AGBL1: variants seen among roughly 807,000 people sequenced by gnomAD.
AGBL1 encodes the protein cytosolic carboxypeptidase 4.
Under a neutral mutation model 118.9 loss-of-function variants are expected in AGBL1, and 130 were observed. The ratio of observed to expected loss-of-function variants is 1.09; its 90% confidence interval spans 0.95 to 1.26. The LOEUF is 1.26. AGBL1 is among the 50% of genes most tolerant of loss of function. The pLI is 0.00. For synonymous variants in AGBL1, 555 were observed against 478.9 expected, an observed-to-expected ratio of 1.16 and a Z score of -2.08; for missense variants, 1,584 against 1,298.1, an observed-to-expected ratio of 1.22 and a Z score of -3.38.
intron 23 of AGBL1, among the ~76,000 whole-genome samples, chr15:86,977,217 A>C (rs1330295492): frequency 6.6e-6 from 1 of 151,814 alleles, no homozygotes; most frequent in Non-Finnish European, 1.5e-5. Context: ...ATAAAAATTC[A>C]TTTTTTCATG....
intron 22 of AGBL1, among the ~76,000 whole-genome samples, chr15:86,862,623 A>G (rs2079574230): frequency 6.6e-6 from 1 of 152,174 alleles, no homozygotes; most frequent in Non-Finnish European, 1.5e-5. Flanking sequence ...CGGAGGGCTG[A>G]CGCAGGAGAC....
intron 17 of AGBL1, among the ~76,000 whole-genome samples, chr15:86,321,898 C>T (rs1185194255): frequency 2.6e-5 from 4 of 151,790 alleles, no homozygotes; most frequent in Non-Finnish European, 4.4e-5. Flanking sequence ...CTTTTTTTAA[C>T]CCATGAATTA....
chr15:86,396,981 T>A (rs1270800658), intron 17 of AGBL1, among the ~76,000 whole-genome samples: 1 of 152,182 alleles, frequency 6.6e-6, no homozygotes, highest in Admixed American at 6.6e-5. Context: ...GTTACATTTT[T>A]GATGACAGCC....
At chr15:86,404,691 C>T (rs1450414277) in intron 18 of AGBL1, among the ~76,000 whole-genome samples, 1 of 152,174 alleles carries the variant, frequency 6.6e-6, no homozygotes, top group East Asian at 1.9e-4. Context: ...GTTTCAGTCT[C>T]ATTTGTTTCT....
At chr15:86,170,162 CAG>C (rs2077394742) in intron 5 of AGBL1, among the ~76,000 whole-genome samples, 1 of 152,062 alleles carries the variant, frequency 6.6e-6, no homozygotes, top group South Asian at 2.1e-4. Context: ...AGTAATGACA[CAG>C]AAGATATAAG....
At chr15:86,373,147 C>T (rs2141947003) in intron 17 of AGBL1, among the ~76,000 whole-genome samples, 1 of 152,280 alleles carries the variant, frequency 6.6e-6, no homozygotes, top group South Asian at 2.1e-4. Context: ...CTCATTGACC[C>T]TCACCTAATT....
chr15:86,416,311 T>C (rs1370435315), intron 18 of AGBL1, among the ~76,000 whole-genome samples: 2 of 152,348 alleles, frequency 1.3e-5, no homozygotes, highest in South Asian at 4.1e-4. Flanking sequence ...ATAGCTGAGA[T>C]CAATTTTTCT....
chr15:86,397,064 C>G (rs2081375918), intron 17 of AGBL1, among the ~76,000 whole-genome samples: 1 of 152,088 alleles, frequency 6.6e-6, no homozygotes, highest in Non-Finnish European at 1.5e-5. Flanking sequence ...AAATGTAGAT[C>G]AGATATGTGT....
At chr15:86,934,343 C>G (rs986407182) in intron 23 of AGBL1, among the ~76,000 whole-genome samples, 3 of 152,096 alleles carry the variant, frequency 2.0e-5, no homozygotes, top group Non-Finnish European at 2.9e-5. Flanking sequence ...AAAGGTCTAA[C>G]AGCTCCCTAT....
At chr15:86,919,818 A>C (rs1245920648), downstream of AGBL1, among the ~76,000 whole-genome samples, 1 of 152,150 alleles carries the variant, frequency 6.6e-6, no homozygotes, top group Admixed American at 6.5e-5. Flanking sequence ...ATGGTGTGGC[A>C]GGATGTGTCC....
chr15:86,670,742 ATTT>A (rs2085733699), intron 21 of AGBL1, among the ~76,000 whole-genome samples: 1 of 151,530 alleles, frequency 6.6e-6, no homozygotes. Context: ...TGTAGAAGGC[ATTT>A]TTATTTAAAT....
chr15:86,283,246 T>A (rs2141729290), intron 16 of AGBL1, among the ~76,000 whole-genome samples: 1 of 152,266 alleles, frequency 6.6e-6, no homozygotes, highest in African/African-American at 2.4e-5. Context: ...TAGTATTGGT[T>A]GAAAATGGGG....
intron 23 of AGBL1, among the ~76,000 whole-genome samples, chr15:86,975,103 G>A (rs2081160330): frequency 6.6e-6 from 1 of 151,892 alleles, no homozygotes; most frequent in African/African-American, 2.4e-5. Flanking sequence ...TTTTTTGAGA[G>A]GAGCAAAGAG....
At chr15:86,459,700 G>C (rs1322366515) in intron 18 of AGBL1, among the ~76,000 whole-genome samples, 1 of 152,054 alleles carries the variant, frequency 6.6e-6, no homozygotes, top group African/African-American at 2.4e-5. Context: ...AACAACAGAG[G>C]CTCAGAAAGG....
intron 1 of AGBL1, among the ~76,000 whole-genome samples, chr15:86,140,965 G>T (rs1331136346): frequency 6.6e-6 from 1 of 152,190 alleles, no homozygotes; most frequent in Non-Finnish European, 1.5e-5. Context: ...ATGTGATGGG[G>T]AATTATTGAG....
chr15:86,139,825 G>C (rs184894851), intron 1 of AGBL1: 1 of 155,672 alleles, frequency 6.4e-6, no homozygotes, highest in Admixed American at 6.5e-5. Context: ...CTGGGTGAGA[G>C]GGCCCAGCAC....
At chr15:86,336,247 C>G (rs929813715) in intron 17 of AGBL1, among the ~76,000 whole-genome samples, 10 of 152,200 alleles carry the variant, frequency 6.6e-5, no homozygotes, top group African/African-American at 1.7e-4. Context: ...CTTGCTACAT[C>G]TGCTCCAGGC....
chr15:86,284,191 T>A lies in AGBL1; in HGVS notation c.2220+4408T>A, dbSNP rs1365017353. On this transcript the variant is annotated intron_variant, in intron 16 of 22. Transcript: ENST00000614907. ...TCCATAATTCATACTAAAATTAAAA[T>A]AAAAAAAAAAAAACAAATGGAAGAC... 7.6e-4 allele frequency among the ~76,000 whole-genome samples: 108 copies of A among 142,826 alleles called. 1 individual carries two copies. The highest frequency in any genetic ancestry group is 3.6e-3 in the Middle Eastern group (1 of 276). 93.7% of individuals were successfully genotyped at this position (142,826 alleles called of 152,430 possible).
chr15:86,418,451 A>G (rs1052935310), intron 18 of AGBL1, among the ~76,000 whole-genome samples: 4 of 152,150 alleles, frequency 2.6e-5, no homozygotes, highest in African/African-American at 9.7e-5. Flanking sequence ...ACAATTCCCA[A>G]AATTGTTCTT....
Sources: gnomAD v4.1 joint callset for allele counts (sites outside exome capture counted in the v4.1 genomes callset) on GRCh38, gnomAD v4.1.1 for gene constraint, MANE v1.5 for transcripts, NCBI Gene and HGNC (gene_info 2026-07-23, HGNC 2026-07-21) for gene names.